Variants in AKAP7 observed in about 807,000 individuals in gnomAD.
AKAP7 encodes A-kinase anchoring protein 7.
In AKAP7, 39 loss-of-function variants were observed where a neutral mutation model predicts 39.5. That is an observed-to-expected ratio of 0.99 (90% CI 0.76 to 1.29). AKAP7 has a LOEUF of 1.29. Among genes scored for constraint, AKAP7 ranks in the 50% most tolerant of loss-of-function variants. AKAP7 has a pLI of 0.00. For missense variants in AKAP7, 414 were observed against 407.7 expected (o/e 1.02, Z -0.13); for synonymous variants, 140 against 139.1 (o/e 1.01, Z -0.05).
At chr6:131,253,350 G>A (rs1812594633) in intron 7 of AKAP7, among the ~76,000 whole-genome samples, 1 of 152,086 alleles carries the variant, frequency 6.6e-6, no homozygotes, top group Non-Finnish European at 1.5e-5. Context: ...CATAATCGTT[G>A]TACATATTTA....
Position 131,145,479 on chromosome 6 carries a change from A to G in AKAP7, c.151+63A>G. 8.0e-6 allele frequency: 9 copies of G among 1,124,562 alleles called. 1 individual carries two copies. The highest frequency in any genetic ancestry group is 6.1e-5 in the South Asian group (2 of 32,724). 69.7% of individuals were successfully genotyped at this position (1,124,562 alleles called of 1,614,324 possible). A position where few individuals can be genotyped will look rare whatever the true frequency, so the allele number is the denominator to read the frequency against. On this transcript the variant is annotated intron_variant, in intron 2 of 7. Coordinates refer to ENST00000431975, the MANE Select transcript of AKAP7 (RefSeq NM_016377.4). ...ATGAGTAGTAAATTTAGTTATATATATATTTTTTTCTTTATAAGTTGTTTC... is the reference window on the plus strand; with the variant it reads ...ATGAGTAGTAAATTTAGTTATATATGTATTTTTTTCTTTATAAGTTGTTTC...
intron 1 of AKAP7, among the ~76,000 whole-genome samples, chr6:131,138,755 A>G (rs1056400078): frequency 1.3e-5 from 2 of 152,220 alleles, no homozygotes; most frequent in Non-Finnish European, 2.9e-5. Context: ...AATGAGCATC[A>G]TAATAGTACC....
chr6:131,132,969 C>T (rs146980362), upstream of AKAP7, among the ~76,000 whole-genome samples: 104 of 152,242 alleles, frequency 6.8e-4, no homozygotes, highest in African/African-American at 2.3e-3. Flanking sequence ...ATAAATATTT[C>T]GGTCCACATT....
At chr6:131,173,614 G>C (rs1387030059) in intron 5 of AKAP7, among the ~76,000 whole-genome samples, 2 of 152,178 alleles carry the variant, frequency 1.3e-5, no homozygotes, top group African/African-American at 2.4e-5. Flanking sequence ...AAAATCATTA[G>C]TAGGCCAATG....
intron 6 of AKAP7, among the ~76,000 whole-genome samples, chr6:131,202,021 C>A (rs1474969450): frequency 6.6e-6 from 1 of 152,168 alleles, no homozygotes; most frequent in African/African-American, 2.4e-5. Flanking sequence ...TGGTCACCAT[C>A]ACTGGCCATC....
intron 7 of AKAP7, among the ~76,000 whole-genome samples, chr6:131,273,659 T>A (rs1468020393): frequency 6.6e-6 from 1 of 152,196 alleles, no homozygotes; most frequent in East Asian, 1.9e-4. Flanking sequence ...TATTTTATAA[T>A]ACCCACTTAA....
At chr6:131,212,973 T>C (rs1808814502) in intron 6 of AKAP7, among the ~76,000 whole-genome samples, 1 of 152,204 alleles carries the variant, frequency 6.6e-6, no homozygotes, top group Non-Finnish European at 1.5e-5. Flanking sequence ...GTGTACAGTC[T>C]CTTGTACACT....
intron 6 of AKAP7, among the ~76,000 whole-genome samples, chr6:131,210,422 C>T (rs1808540663): frequency 6.6e-6 from 1 of 152,202 alleles, no homozygotes; most frequent in African/African-American, 2.4e-5. Context: ...ACTAGCCACC[C>T]TTGGCTACAG....
intron 7 of AKAP7, among the ~76,000 whole-genome samples, chr6:131,241,137 A>G (rs1404410802): frequency 6.6e-6 from 1 of 152,174 alleles, no homozygotes; most frequent in African/African-American, 2.4e-5. Context: ...TTAGATTTGT[A>G]TTTAAGAAAA....
At chr6:131,263,114 C>T (rs543261061) in intron 7 of AKAP7, among the ~76,000 whole-genome samples, 4 of 152,226 alleles carry the variant, frequency 2.6e-5, no homozygotes, top group South Asian at 2.1e-4. Flanking sequence ...GATAGATGCC[C>T]GGAAGTGGCA....
At chr6:131,275,214 T>A (rs1391854382) in intron 7 of AKAP7, among the ~76,000 whole-genome samples, 1 of 152,242 alleles carries the variant, frequency 6.6e-6, no homozygotes, top group Admixed American at 6.5e-5. Context: ...AATCATAACC[T>A]ACATTTTAGC....
intron 7 of AKAP7, among the ~76,000 whole-genome samples, chr6:131,244,866 C>T (rs1235560580): frequency 6.6e-6 from 1 of 152,066 alleles, no homozygotes; most frequent in African/African-American, 2.4e-5. Flanking sequence ...ATTTGCTATA[C>T]ATATTAAAAT....
At chr6:131,233,788 C>T (rs1168807564) in intron 7 of AKAP7, among the ~76,000 whole-genome samples, 1 of 152,110 alleles carries the variant, frequency 6.6e-6, no homozygotes, top group Admixed American at 6.6e-5. Flanking sequence ...ATGAGGTTAT[C>T]TAATCTGGAG....
chr6:131,177,863 T>C (rs1804732256), intron 5 of AKAP7, among the ~76,000 whole-genome samples: 1 of 152,222 alleles, frequency 6.6e-6, no homozygotes, highest in Admixed American at 6.5e-5. Flanking sequence ...TCTTCTTGCC[T>C]TAGCTGAAAC....
intron 7 of AKAP7, among the ~76,000 whole-genome samples, chr6:131,245,576 C>T (rs1205925954): frequency 1.3e-5 from 2 of 151,960 alleles, no homozygotes; most frequent in Admixed American, 1.3e-4. Context: ...CCAGTGGCAA[C>T]ATAAAAATTG....
At chr6:131,249,917 A>T (rs1161648488) in intron 7 of AKAP7, among the ~76,000 whole-genome samples, 1 of 151,764 alleles carries the variant, frequency 6.6e-6, no homozygotes, top group Non-Finnish European at 1.5e-5. Flanking sequence ...AATTTAAAAG[A>T]TATGCCGTAC....
At chr6:131,240,441 C>A (rs1206478985) in intron 7 of AKAP7, among the ~76,000 whole-genome samples, 1 of 152,224 alleles carries the variant, frequency 6.6e-6, no homozygotes, top group Non-Finnish European at 1.5e-5. Context: ...AGCTGTCAGA[C>A]AGGGACATTT....
intron 6 of AKAP7, among the ~76,000 whole-genome samples, chr6:131,215,222 TG>T (rs1809037038): frequency 6.6e-6 from 1 of 152,168 alleles, no homozygotes. Flanking sequence ...AGGCAGTTGG[TG>T]GGGTGTCAGG....
At position 131,218,262 on chromosome 6, in the gene AKAP7, TA is replaced by T. The variant is rs545374786; in HGVS notation, c.703-1398del. ...ACAGTAAATAATTGGATGAATAAATTATGAGACTTTCATGCAATGAAGTACT... is the reference window on the plus strand; with the variant it reads ...ACAGTAAATAATTGGATGAATAAATTTGAGACTTTCATGCAATGAAGTACT... On this transcript the variant is annotated intron_variant, in intron 6 of 7. Coordinates refer to ENST00000431975, the MANE Select transcript of AKAP7 (RefSeq NM_016377.4). Among the ~76,000 whole-genome samples the T allele has an allele frequency of 9.8e-4, 150 of 152,288 alleles. 1 individual carries two copies. The highest frequency in any genetic ancestry group is 3.1e-3 in the African/African-American group (129 of 41,554).
Sources: gnomAD v4.1 joint callset for allele counts (sites outside exome capture counted in the v4.1 genomes callset) on GRCh38, gnomAD v4.1.1 for gene constraint, MANE v1.5 for transcripts, NCBI Gene and HGNC (gene_info 2026-07-23, HGNC 2026-07-21) for gene names.